Variants in KCNB2 observed in about 807,000 individuals in gnomAD.
KCNB2 encodes the protein potassium voltage-gated channel subfamily B member 2.
In KCNB2, 15 loss-of-function variants were observed where a neutral mutation model predicts 61.5. The observed-to-expected ratio is 0.24, with a 90% CI of 0.16 to 0.38. The LOEUF (loss-of-function observed/expected upper bound fraction) is 0.38, where lower values mean the gene tolerates loss of function less well. KCNB2 is among the 10% of genes least tolerant of loss of function. The pLI, the probability that KCNB2 is intolerant of heterozygous loss-of-function variation, is 1.00. For missense variants in KCNB2, 828 were observed against 1,125.2 expected (o/e 0.74, Z 3.78); for synonymous variants, 457 against 446.0 (o/e 1.02, Z -0.31).
chr8:72,885,771 C>A (rs149220648), intron 2 of KCNB2, among the ~76,000 whole-genome samples: 2,095 of 151,856 alleles, frequency 0.014, 42 homozygotes, highest in African/African-American at 0.043. Context: ...ATAGTAATTT[C>A]TTCTGCTACA....
intron 2 of KCNB2, among the ~76,000 whole-genome samples, chr8:72,662,808 A>G (rs902916531): frequency 2.6e-5 from 4 of 152,178 alleles, no homozygotes; most frequent in African/African-American, 9.7e-5. Flanking sequence ...TTTTACATTT[A>G]AAAACGAAAG....
intron 2 of KCNB2, among the ~76,000 whole-genome samples, chr8:72,887,644 A>G (rs1277355340): frequency 6.6e-6 from 1 of 152,122 alleles, no homozygotes; most frequent in Non-Finnish European, 1.5e-5. Context: ...TCCAAGGCAA[A>G]CTCTTGTTCC....
Position 72,928,962 on chromosome 8 carries a change from C to T in KCNB2, c.580-6973C>T, listed in dbSNP as rs563993994. Among the ~76,000 whole-genome samples the T allele has an allele frequency of 5.3e-5, 8 of 152,026 alleles. No individual in the cohort carries two copies. In the South Asian group the frequency reaches 1.7e-3, roughly 32 times the overall value. ...TAAACAGTTTTTTTTTTATTGTTTCCCAATGCTGGCTAAAGGCATTTTCCA... is the reference window on the plus strand; with the variant it reads ...TAAACAGTTTTTTTTTTATTGTTTCTCAATGCTGGCTAAAGGCATTTTCCA... On this transcript the variant is annotated intron_variant, in intron 2 of 2. Coordinates refer to ENST00000523207, the MANE Select transcript of KCNB2 (RefSeq NM_004770.3).
At chr8:72,618,457 C>A (rs187962910) in intron 2 of KCNB2, among the ~76,000 whole-genome samples, 1 of 152,060 alleles carries the variant, frequency 6.6e-6, no homozygotes, top group Non-Finnish European at 1.5e-5. Context: ...TATTATTTTG[C>A]AGTTATATTG....
chr8:72,780,907 A>C (rs1418041709), intron 2 of KCNB2, among the ~76,000 whole-genome samples: 4 of 152,128 alleles, frequency 2.6e-5, no homozygotes, highest in African/African-American at 9.7e-5. Flanking sequence ...TTTTTTAATA[A>C]TCATCATTCT....
chr8:72,769,517 T>C, intron 2 of KCNB2, among the ~76,000 whole-genome samples: 1 of 152,152 alleles, frequency 6.6e-6, no homozygotes, highest in Non-Finnish European at 1.5e-5. Context: ...GGGGTGCAAT[T>C]TGAGCTCAGC....
chr8:72,885,136 A>G (rs1392132242), intron 2 of KCNB2, among the ~76,000 whole-genome samples: 2 of 152,104 alleles, frequency 1.3e-5, no homozygotes, highest in African/African-American at 4.8e-5. Flanking sequence ...CCTTTATAGT[A>G]TATTCATTAA....
intron 2 of KCNB2, among the ~76,000 whole-genome samples, chr8:72,852,226 C>A (rs1458446015): frequency 6.6e-6 from 1 of 152,146 alleles, no homozygotes; most frequent in Non-Finnish European, 1.5e-5. Context: ...CATTACTGCA[C>A]TTTAGCCTGG....
At chr8:72,677,382 C>T (rs1177229139) in intron 2 of KCNB2, among the ~76,000 whole-genome samples, 1 of 152,184 alleles carries the variant, frequency 6.6e-6, no homozygotes, top group Non-Finnish European at 1.5e-5. Flanking sequence ...ATTGTCTTCT[C>T]GATCCTCAGG....
chr8:72,706,972 G>T lies in KCNB2; in HGVS notation c.579+138659G>T, dbSNP rs149129411. The stretch of plus-strand genomic sequence containing the variant: ...TTTTGCTGCCTACTTCCTGTGATCA[G>T]CTCTGGGACTTCTTTGTTAAATACC... On this transcript the variant is annotated intron_variant, in intron 2 of 2. Coordinates refer to ENST00000523207, the MANE Select transcript of KCNB2 (RefSeq NM_004770.3). Among the ~76,000 whole-genome samples, 230 of 152,254 alleles carry T rather than the reference G, an allele frequency of 1.5e-3. 1 individual carries two copies. The highest frequency in any genetic ancestry group is 5.2e-3 in the African/African-American group (218 of 41,540).
chr8:72,851,126 T>G (rs1810097137), intron 2 of KCNB2, among the ~76,000 whole-genome samples: 1 of 152,302 alleles, frequency 6.6e-6, no homozygotes, highest in Non-Finnish European at 1.5e-5. Context: ...CTATAAAGAT[T>G]ATGATCAAAC....
chr8:72,909,654 G>A (rs1482019), intron 2 of KCNB2, among the ~76,000 whole-genome samples: 89,427 of 151,886 alleles, frequency 0.59, 27,615 homozygotes, highest in Middle Eastern at 0.7. Context: ...GCATGAATCT[G>A]GGGGGGAAAT....
chr8:72,642,378 A>G (rs547163487), intron 2 of KCNB2, among the ~76,000 whole-genome samples: 17 of 152,210 alleles, frequency 1.1e-4, no homozygotes, highest in African/African-American at 3.9e-4. Context: ...TTAAAATGGC[A>G]TATGTGGCTT....
At chr8:72,807,944 A>C (rs1809250160) in intron 2 of KCNB2, among the ~76,000 whole-genome samples, 4 of 152,222 alleles carry the variant, frequency 2.6e-5, no homozygotes, top group Admixed American at 2.0e-4. Context: ...ATAAGGAAAC[A>C]GAAGGGCAAA....
chr8:72,787,488 AT>A (rs146477447), intron 2 of KCNB2, among the ~76,000 whole-genome samples: 25,740 of 150,696 alleles, frequency 0.17, 2,403 homozygotes, highest in South Asian at 0.34. Context: ...GTGTGGCTGA[AT>A]TTTTTTTTTC....
At chr8:72,842,932 T>C (rs6982738) in intron 2 of KCNB2, among the ~76,000 whole-genome samples, 129,557 of 152,016 alleles carry the variant, frequency 0.85, 56,186 homozygotes, top group Middle Eastern at 0.97. Flanking sequence ...TGTCTCTATC[T>C]GCTTCATTTC....
intron 1 of KCNB2, among the ~76,000 whole-genome samples, chr8:72,553,580 T>A (rs1806378406): frequency 6.6e-6 from 1 of 152,130 alleles, no homozygotes. Context: ...AAATGTCATT[T>A]TAAATTTGGA....
chr8:72,706,811 A>G (rs1050171753), intron 2 of KCNB2, among the ~76,000 whole-genome samples: 2 of 152,236 alleles, frequency 1.3e-5, no homozygotes, highest in Non-Finnish European at 2.9e-5. Flanking sequence ...TTTAAATCAC[A>G]TACTTCTCAA....
chr8:72,709,863 T>G (rs1270240238), intron 2 of KCNB2, among the ~76,000 whole-genome samples: 1 of 152,154 alleles, frequency 6.6e-6, no homozygotes, highest in Non-Finnish European at 1.5e-5. Flanking sequence ...GCCACTAAGT[T>G]ACTATGTACC....
Sources: allele counts gnomAD v4.1 joint callset (sites outside exome capture counted in the v4.1 genomes callset), GRCh38; gene constraint gnomAD v4.1.1; transcripts MANE v1.5; gene names NCBI Gene and HGNC (gene_info 2026-07-23, HGNC 2026-07-21).